ZNF717: variants seen among roughly 807,000 people sequenced by gnomAD.
ZNF717 encodes zinc finger protein 717, also known as krueppel-like factor X17.
ZNF717 carries 9 observed loss-of-function variants against 13.8 expected under a neutral mutation model. The ratio of observed to expected loss-of-function variants is 0.65; its 90% CI spans 0.39 to 1.14. The LOEUF (loss-of-function observed/expected upper bound fraction) is 1.14, where lower values mean the gene tolerates loss of function less well. Ranked by LOEUF, ZNF717 falls within the 50% of genes most tolerant of loss-of-function variation. The pLI is 0.01. For synonymous variants in ZNF717, 327 were observed against 364.1 expected (o/e 0.90, Z 1.16); for missense variants, 1,040 against 1,080.7 (o/e 0.96, Z 0.53).
chr3:75,750,089 C>T (rs1366798150), intron 2 of ZNF717, among the ~76,000 whole-genome samples: 1 of 151,432 alleles, frequency 6.6e-6, no homozygotes, highest in Non-Finnish European at 1.5e-5. Flanking sequence ...CATAGGATAC[C>T]AGTACCCTGC....
intron 2 of ZNF717, among the ~76,000 whole-genome samples, chr3:75,776,391 C>T (rs1290522224): frequency 2.6e-3 from 402 of 151,850 alleles, no homozygotes; most frequent in Non-Finnish European, 3.6e-3. Flanking sequence ...AAAGGGATTT[C>T]ATTCAGTTTT....
At chr3:75,732,852 A>C (rs1169752479), downstream of ZNF717, among the ~76,000 whole-genome samples, 6 of 152,274 alleles carry the variant, frequency 3.9e-5, no homozygotes, top group African/African-American at 1.4e-4. Flanking sequence ...AAGGCATACT[A>C]AAAGGCAAAA....
chr3:75,715,747 CAGA>C (rs1234733659), intron 5 of ZNF717, among the ~76,000 whole-genome samples: 156 of 152,164 alleles, frequency 1.0e-3, no homozygotes, highest in African/African-American at 3.6e-3. Context: ...AGTGAATGGG[CAGA>C]AGAAGGACAG....
intron 6 of ZNF717, among the ~76,000 whole-genome samples, chr3:75,698,137 A>T (rs1219897676): frequency 1.3e-5 from 2 of 151,846 alleles, no homozygotes; most frequent in Non-Finnish European, 2.9e-5. Context: ...ACCTATGCTC[A>T]CATGTTCTAG....
At chr3:75,707,361 C>T (rs202085692), downstream of ZNF717, among the ~76,000 whole-genome samples, 2 of 152,108 alleles carry the variant, frequency 1.3e-5, 1 homozygote, top group Admixed American at 1.3e-4. Context: ...TTGTCAGAAC[C>T]CTCAGAGCAT....
At chr3:75,695,196 A>G (rs1937590672) in intron 6 of ZNF717, among the ~76,000 whole-genome samples, 1 of 152,102 alleles carries the variant, frequency 6.6e-6, no homozygotes, top group Non-Finnish European at 1.5e-5. Flanking sequence ...TACTTATACC[A>G]GACAAACATA....
intron 2 of ZNF717, among the ~76,000 whole-genome samples, chr3:75,753,984 G>A (rs79530562): frequency 1.1e-3 from 121 of 109,550 alleles, no homozygotes; most frequent in African/African-American, 3.4e-3. Context: ...TGTTTTTCCC[G>A]CACACAGGAT....
rs556634293 is a variant in ZNF717, at chr3:75,712,203, T to C, written n.668-887A>G. Among the ~76,000 whole-genome samples, 1,153 of 151,830 alleles carry C rather than the reference T, an allele frequency of 7.6e-3. 1 individual carries two copies. Among genetic ancestry groups the C allele is most frequent in the South Asian group, 0.038 (177 of 4,710 alleles). On this transcript the variant is annotated intron_variant and non_coding_transcript_variant, in intron 5 of 5. Coordinates refer to the ZNF717 transcript ENST00000491507. ...AAAAAGGGGAGCTGAATCTCCATCC[T>C]CAAACTAGGCAAATTAAATAGATCT...
chr3:75,749,026 T>A (rs1289537512), intron 2 of ZNF717, among the ~76,000 whole-genome samples: 1 of 151,562 alleles, frequency 6.6e-6, no homozygotes, highest in Non-Finnish European at 1.5e-5. Context: ...GTCCCTCACA[T>A]AGGATTCCAG....
At chr3:75,765,033 A>ATATG in intron 2 of ZNF717, among the ~76,000 whole-genome samples, 1 of 59,072 alleles carries the variant, frequency 1.7e-5, no homozygotes, top group South Asian at 3.8e-4. Flanking sequence ...ATATATATGT[A>ATATG]TATGTGTGTG....
At chr3:75,750,709 C>G (rs796506714) in intron 2 of ZNF717, among the ~76,000 whole-genome samples, 1 of 137,496 alleles carries the variant, frequency 7.3e-6, no homozygotes, top group East Asian at 2.3e-4. Context: ...TCACATAGGA[C>G]TCCAGAACAC....
At chr3:75,775,510 A>G (rs888149606) in intron 2 of ZNF717, among the ~76,000 whole-genome samples, 2 of 152,188 alleles carry the variant, frequency 1.3e-5, no homozygotes, top group African/African-American at 4.8e-5. Context: ...ATCATGGGTA[A>G]ATATTCCCCA....
chr3:75,738,778 G>A lies in ZNF717; in HGVS notation c.845C>T (p.Pro282Leu). 1 of 1,553,074 alleles carries A rather than the reference G, an allele frequency of 6.4e-7. No homozygotes were observed. The highest frequency in any genetic ancestry group is 1.2e-5 in the South Asian group (1 of 84,110). The change falls in exon 5 of 5, where the codon CCC becomes CTC. Residue 282 changes from proline (P) to leucine (L), a missense_variant. Around this residue, in one of 3 missense-constraint regions of ZNF717, gnomAD observed 873 missense variants for 832.8 expected, o/e 1.05. Transcript: ENST00000652011. Reference sequence around the variant, plus strand: ...TTTCTCACATTCAACACATTCATAGGGTTTCTCTCCTGTGTGTGTCTGCTG... The same window carrying A: ...TTTCTCACATTCAACACATTCATAGAGTTTCTCTCCTGTGTGTGTCTGCTG... ...KHQQTHTGEK[P>L]YECVECEKPS...
rs2118754 is a variant in ZNF717 at position 75,736,929 on chromosome 3, G to A, written c.2694C>T (p.Asp898=). The stretch of plus-strand genomic sequence containing the variant: ...GGAACACATAGCCTGCCTCAGCTAC[G>A]TCAGATTTCTCTCCTATATGGGTTT... ...HQQTHIGEKS[D]VAEAGYVFPQ... Residue 898 remains aspartate (D), a synonymous_variant, in exon 5 of 5, where the codon GAC becomes GAT. Coordinates refer to ENST00000652011, the MANE Select transcript of ZNF717 (RefSeq NM_001290208.3). 25 of 1,557,514 alleles carry A rather than the reference G, an allele frequency of 1.6e-5. No homozygotes were observed. Among genetic ancestry groups the A allele is most frequent in the Admixed American group, 1.2e-4 (6 of 51,252 alleles).
At chr3:75,757,101 T>C (rs1942564163) in intron 2 of ZNF717, among the ~76,000 whole-genome samples, 1 of 152,246 alleles carries the variant, frequency 6.6e-6, no homozygotes, top group African/African-American at 2.4e-5. Context: ...AAGTGCAAGA[T>C]AAAGCAGCAA....
At chr3:75,771,600 T>G (rs1400539814) in intron 2 of ZNF717, among the ~76,000 whole-genome samples, 1 of 152,334 alleles carries the variant, frequency 6.6e-6, no homozygotes, top group East Asian at 1.9e-4. Context: ...AAGGACCCCT[T>G]TGTGATGTCA....
At chr3:75,779,439 TA>T (rs1485068729) in intron 2 of ZNF717, among the ~76,000 whole-genome samples, 1 of 145,072 alleles carries the variant, frequency 6.9e-6, no homozygotes, top group Non-Finnish European at 1.5e-5. Context: ...AGTGATGTGC[TA>T]AAACCGGAAC....
intron 2 of ZNF717, among the ~76,000 whole-genome samples, chr3:75,776,100 A>T (rs1944297786): frequency 2.6e-5 from 4 of 152,280 alleles, no homozygotes; most frequent in Admixed American, 2.6e-4. Context: ...GGTATTCAAG[A>T]GGATGTAAGT....
At chr3:75,701,158 A>G (rs1282675862) in intron 6 of ZNF717, among the ~76,000 whole-genome samples, 1 of 152,310 alleles carries the variant, frequency 6.6e-6, no homozygotes, top group Non-Finnish European at 1.5e-5. Context: ...TGATTGGATC[A>G]TGGGGGTGGT....
Sources: gnomAD v4.1 joint callset for allele counts (sites outside exome capture counted in the v4.1 genomes callset) on GRCh38, gnomAD v4.1.1 for gene constraint, gnomAD v4.1.1 regional missense constraint, MANE v1.5 for transcripts, NCBI Gene and HGNC (gene_info 2026-07-23, HGNC 2026-07-21) for gene names.